ZEB1: variants seen among roughly 807,000 people sequenced by gnomAD.
ZEB1 encodes zinc finger E-box-binding homeobox 1.
A neutral mutation model predicts 84.9 loss-of-function variants in ZEB1; 21 were observed. That is an observed-to-expected ratio of 0.25 (90% CI 0.18 to 0.36). The LOEUF (loss-of-function observed/expected upper bound fraction) is 0.36, where lower values mean the gene tolerates loss of function less well. Among genes scored for constraint, ZEB1 ranks in the 10% least tolerant of loss-of-function variants. The pLI, the probability that ZEB1 is intolerant of heterozygous loss-of-function variation, is 1.00. For synonymous variants in ZEB1, 420 were observed against 471.1 expected (o/e 0.89, Z 1.41); for missense variants, 1,104 against 1,330.2 (o/e 0.83, Z 2.65).
At chr10:31,478,098 C>T (rs1164359410) in intron 2 of ZEB1, among the ~76,000 whole-genome samples, 5 of 151,946 alleles carry the variant, frequency 3.3e-5, no homozygotes, top group African/African-American at 1.2e-4. Context: ...AAAACATTTG[C>T]AAGTCATACC....
rs184416532 is a variant in ZEB1 at position 31,405,994 on chromosome 10, T to C, written c.59-55043T>C. 6.4e-4 allele frequency among the ~76,000 whole-genome samples: 97 copies of C among 152,308 alleles called. 5 individuals carry two copies. Among genetic ancestry groups the C allele is most frequent in the Admixed American group, 5.2e-4 (8 of 15,292 alleles). Reference sequence around the variant, plus strand: ...TTGCTGAGAATGATGGTTTCCAACTTCATCCATGTCCCTGCAAAGGACATG... The same window carrying C: ...TTGCTGAGAATGATGGTTTCCAACTCCATCCATGTCCCTGCAAAGGACATG... On this transcript the variant is annotated intron_variant, in intron 1 of 8. Transcript: ENST00000424869.
In ZEB1 at chr10:31,363,223, G is replaced by T. The variant is rs3895218; in HGVS notation, c.58+43931G>T. 4.6e-6 allele frequency: 7 copies of T among 1,533,990 alleles called. No homozygotes were observed. The East Asian group carries it at 7.3e-5, about 16-fold the overall frequency. ...GTCTTCACCCAGCACCTTCAAGGCC[G>T]CCTTCTCTGGCCACAGGGAGCAGCC... On this transcript the variant is annotated intron_variant, in intron 1 of 8. Transcript: ENST00000424869.
chr10:31,408,094 C>T (rs992744785), intron 1 of ZEB1, among the ~76,000 whole-genome samples: 2 of 151,990 alleles, frequency 1.3e-5, no homozygotes, highest in African/African-American at 4.8e-5. Context: ...TTCTTATATG[C>T]CAACAACAGA....
chr10:31,377,540 A>G (rs2046862837), intron 1 of ZEB1, among the ~76,000 whole-genome samples: 2 of 151,828 alleles, frequency 1.3e-5, no homozygotes, highest in African/African-American at 4.8e-5. Flanking sequence ...TTAATTTCCA[A>G]ATTTACTGAG....
chr10:31,450,466 A>G (rs2060428244), intron 1 of ZEB1, among the ~76,000 whole-genome samples: 1 of 152,104 alleles, frequency 6.6e-6, no homozygotes, highest in South Asian at 2.1e-4. Context: ...CCTTACTGCT[A>G]ATAGTTTTTT....
intron 3 of ZEB1, among the ~76,000 whole-genome samples, chr10:31,496,364 A>T (rs1039928969): frequency 6.6e-6 from 1 of 152,104 alleles, no homozygotes; most frequent in Non-Finnish European, 1.5e-5. Flanking sequence ...ATTGAAAAAG[A>T]GTAAAATGAA....
At chr10:31,525,910 ATG>A (rs2073338271) in intron 8 of ZEB1, among the ~76,000 whole-genome samples, 1 of 152,248 alleles carries the variant, frequency 6.6e-6, no homozygotes, top group Non-Finnish European at 1.5e-5. Context: ...AAAAATATAT[ATG>A]AAAAACTACA....
chr10:31,483,908 T>C (rs2065392635), intron 2 of ZEB1, among the ~76,000 whole-genome samples: 1 of 152,038 alleles, frequency 6.6e-6, no homozygotes, highest in Admixed American at 6.6e-5. Flanking sequence ...GTTGTATTCC[T>C]TTCTGTAAGT....
At chr10:31,519,012 G>A (rs373762881) in intron 6 of ZEB1, among the ~76,000 whole-genome samples, 4 of 152,162 alleles carry the variant, frequency 2.6e-5, no homozygotes, top group African/African-American at 9.6e-5. Flanking sequence ...AAAAGAGCAG[G>A]AGATGGAGAG....
At chr10:31,446,210 G>A (rs1442408331) in intron 1 of ZEB1, among the ~76,000 whole-genome samples, 13 of 152,140 alleles carry the variant, frequency 8.5e-5, no homozygotes, top group Admixed American at 2.6e-4. Flanking sequence ...GCATAGAGCT[G>A]TTTGTAGTAT....
In ZEB1 at chr10:31,502,476, G is replaced by A. The variant is rs2068290257; in HGVS notation, c.451G>A (p.Gly151Ser). 1.9e-6 allele frequency: 3 copies of A among 1,613,848 alleles called. No individual in the cohort carries two copies. Among genetic ancestry groups the A allele is most frequent in the East Asian group, 2.2e-5 (1 of 44,870 alleles). The change falls in exon 4 of 9, where the codon GGC becomes AGC. Residue 151 changes from glycine (G) to serine (S), a missense_variant. This residue lies in a region of ZEB1 where 162 missense variants were observed against 184.5 expected (regional missense o/e 0.88). Transcript: ENST00000424869. Reference sequence around the variant, plus strand: ...GGCACCTGAAGAGGACCAGAGGCAGGGCACACCAGAAGCCAGTGGTCATGA... The same window carrying A: ...GGCACCTGAAGAGGACCAGAGGCAGAGCACACCAGAAGCCAGTGGTCATGA... ...PEAPEEDQRQGTPEASGHDEN... is the reference protein window; with the variant it reads ...PEAPEEDQRQSTPEASGHDEN...
chr10:31,387,849 T>C (rs1198508056), intron 1 of ZEB1: 4 of 808,830 alleles, frequency 4.9e-6, no homozygotes, highest in Non-Finnish European at 6.0e-6. Flanking sequence ...AAAATATTAC[T>C]TAAAACTTGA....
chr10:31,476,544 G>A (rs1034817529), intron 2 of ZEB1, among the ~76,000 whole-genome samples: 2 of 151,986 alleles, frequency 1.3e-5, no homozygotes, highest in Non-Finnish European at 2.9e-5. Context: ...ACAAAGGAGA[G>A]CAGGTACCAG....
chr10:31,340,437 C>T (rs1472364246), intron 1 of ZEB1, among the ~76,000 whole-genome samples: 2 of 152,116 alleles, frequency 1.3e-5, no homozygotes, highest in African/African-American at 4.8e-5. Flanking sequence ...CCATTGATAG[C>T]ATTTTAGTAG....
intron 1 of ZEB1, among the ~76,000 whole-genome samples, chr10:31,458,807 A>G (rs1421101065): frequency 2.6e-5 from 4 of 152,142 alleles, no homozygotes; most frequent in East Asian, 1.9e-4. Flanking sequence ...AAAATTATCA[A>G]TAGATCATAG....
chr10:31,519,915 G>A (rs2071940578), intron 6 of ZEB1, among the ~76,000 whole-genome samples: 3 of 152,146 alleles, frequency 2.0e-5, no homozygotes, highest in South Asian at 2.1e-4. Flanking sequence ...TGATTGGTTA[G>A]CAGAACATGT....
intron 2 of ZEB1, among the ~76,000 whole-genome samples, chr10:31,475,419 G>A (rs1351548637): frequency 6.6e-6 from 1 of 152,082 alleles, no homozygotes; most frequent in Non-Finnish European, 1.5e-5. Flanking sequence ...TAGAGATGTA[G>A]ACATCAAGAT....
chr10:31,520,662 A>T lies in ZEB1; in HGVS notation c.1330A>T (p.Thr444Ser), dbSNP rs150669496. Residue 444 changes from threonine to serine, a missense_variant, in exon 7 of 9, where the codon ACA becomes TCA. Thr to Ser is a moderately conservative substitution (Grantham distance 58). Coordinates refer to ENST00000424869, the MANE Select transcript of ZEB1 (RefSeq NM_001174096.2). The surrounding 1 kb of genome is among the most constrained non-coding windows in gnomAD (Gnocchi z 5.1). Reference protein sequence around the residue: ...QANLASKEQETINASPIQQGG... With the variant: ...QANLASKEQESINASPIQQGG... The stretch of plus-strand genomic sequence containing the variant: ...CAATCTTGCATCCAAAGAACAAGAA[A>T]CAATCAATGCTTCACCCATACAACA... 71 of 1,614,092 alleles carry T rather than the reference A, an allele frequency of 4.4e-5. No individual in the cohort carries two copies. The African/African-American group carries it at 6.5e-4, about 15-fold the overall frequency.
intron 1 of ZEB1, among the ~76,000 whole-genome samples, chr10:31,383,113 C>T (rs2047989458): frequency 6.7e-6 from 1 of 149,554 alleles, no homozygotes. Context: ...TATAAAATGC[C>T]CAGCTTAAAA....
Sources: gnomAD v4.1 joint callset for allele counts (sites outside exome capture counted in the v4.1 genomes callset) on GRCh38, gnomAD v4.1.1 for gene constraint, gnomAD v4.1.1 regional missense constraint, Gnocchi (gnomAD v3.1) non-coding constraint, MANE v1.5 for transcripts, NCBI Gene and HGNC (gene_info 2026-07-23, HGNC 2026-07-21) for gene names.